The following NEGR1 variants were observed in gnomAD, a reference collection of about 807,000 sequenced individuals.
NEGR1 encodes IgLON family member 4.
NEGR1 carries 10 observed loss-of-function variants against 40.9 expected under a neutral mutation model. That is an observed-to-expected ratio of 0.24 (90% CI 0.15 to 0.42). NEGR1 has a LOEUF of 0.42. NEGR1 is among the 10% of genes least tolerant of loss of function. NEGR1 has a pLI of 1.00. For missense variants in NEGR1, 352 were observed against 438.9 expected, an observed-to-expected ratio of 0.80 and a Z score of 1.77; for synonymous variants, 185 against 166.8, an observed-to-expected ratio of 1.11 and a Z score of -0.84.
chr1:71,967,947 T>G (rs2100310520), intron 1 of NEGR1, among the ~76,000 whole-genome samples: 1 of 152,302 alleles, frequency 6.6e-6, no homozygotes, highest in African/African-American at 2.4e-5. Context: ...TGGGAAAACA[T>G]TTTATAGTAA....
intron 6 of NEGR1, among the ~76,000 whole-genome samples, chr1:71,425,260 G>C (rs1220403585): frequency 1.3e-5 from 2 of 152,082 alleles, no homozygotes; most frequent in Admixed American, 1.3e-4. Context: ...AGAGGTAGTA[G>C]GCAAGGCCGA....
At chr1:71,520,175 T>A (rs1647145972) in intron 6 of NEGR1, among the ~76,000 whole-genome samples, 1 of 151,992 alleles carries the variant, frequency 6.6e-6, no homozygotes, top group African/African-American at 2.4e-5. Context: ...TTCTGTAAAT[T>A]GGGATGAAAA....
At chr1:71,770,971 A>G (rs1199078801) in intron 3 of NEGR1, among the ~76,000 whole-genome samples, 2 of 152,200 alleles carry the variant, frequency 1.3e-5, no homozygotes, top group African/African-American at 4.8e-5. Flanking sequence ...AAAGGATTAT[A>G]AATCATTCTA....
chr1:72,142,944 A>G (rs1650743290), intron 1 of NEGR1, among the ~76,000 whole-genome samples: 1 of 151,886 alleles, frequency 6.6e-6, no homozygotes, highest in Admixed American at 6.6e-5. Flanking sequence ...CTACAGCATG[A>G]AGGGATGTGT....
chr1:71,819,800 A>G (rs1658360168), intron 2 of NEGR1, among the ~76,000 whole-genome samples: 1 of 152,064 alleles, frequency 6.6e-6, no homozygotes, highest in South Asian at 2.1e-4. Context: ...GGAAAGGGAT[A>G]ACAGGGTCAG....
intron 1 of NEGR1, among the ~76,000 whole-genome samples, chr1:71,986,744 T>C (rs1358631146): frequency 6.6e-6 from 1 of 152,230 alleles, no homozygotes; most frequent in Non-Finnish European, 1.5e-5. Flanking sequence ...ACAGGTGGCT[T>C]CACCGGACTG....
intron 3 of NEGR1, among the ~76,000 whole-genome samples, chr1:71,762,035 G>C (rs945400414): frequency 5.3e-5 from 8 of 151,920 alleles, no homozygotes; most frequent in African/African-American, 1.7e-4. Flanking sequence ...ATTTTAAATG[G>C]GGTAAAGGAA....
In NEGR1 at chr1:71,841,072, C is replaced by T. The variant is rs115477907; in HGVS notation, c.410-64775G>A. On this transcript the variant is annotated intron_variant, in intron 2 of 6. Transcript: ENST00000357731. ...TTTCTTAAGGTATATCTCTTTCTCT[C>T]TCTCTATATATATACACATCCTATT... Among the ~76,000 whole-genome samples, 821 of 152,116 alleles carry T rather than the reference C, an allele frequency of 5.4e-3. 13 individuals are homozygous for T. The highest frequency in any genetic ancestry group is 0.019 in the African/African-American group (769 of 41,496).
intron 1 of NEGR1, among the ~76,000 whole-genome samples, chr1:71,940,969 A>G (rs544173903): frequency 4.6e-5 from 7 of 152,186 alleles, no homozygotes; most frequent in African/African-American, 4.8e-5. Context: ...CTGTATGGAG[A>G]AAGAACAGCT....
At chr1:71,435,292 C>T (rs1199582113) in intron 6 of NEGR1, among the ~76,000 whole-genome samples, 2 of 151,980 alleles carry the variant, frequency 1.3e-5, no homozygotes, top group African/African-American at 2.4e-5. Context: ...GAAGTTATTA[C>T]GTGACAATTG....
intron 1 of NEGR1, among the ~76,000 whole-genome samples, chr1:72,245,793 A>G (rs940590887): frequency 6.6e-6 from 1 of 152,154 alleles, no homozygotes; most frequent in Non-Finnish European, 1.5e-5. Flanking sequence ...TAAATATTCC[A>G]TTAATCCAAA....
intron 2 of NEGR1, among the ~76,000 whole-genome samples, chr1:71,912,262 C>T (rs1661439349): frequency 6.6e-6 from 1 of 152,172 alleles, no homozygotes; most frequent in Non-Finnish European, 1.5e-5. Flanking sequence ...CACCTTCCTC[C>T]TAGTCTCTTC....
At chr1:71,642,635 G>A (rs898565395) in intron 4 of NEGR1, among the ~76,000 whole-genome samples, 1 of 151,802 alleles carries the variant, frequency 6.6e-6, no homozygotes, top group African/African-American at 2.4e-5. Flanking sequence ...AGTGATTTGA[G>A]ATCACAAATC....
chr1:71,397,372 G>GC lies in NEGR1; in HGVS notation c.*10073dup, dbSNP rs1462007197. On this transcript the variant is annotated 3_prime_UTR_variant, in exon 7 of 7. Coordinates refer to ENST00000357731, the MANE Select transcript of NEGR1 (RefSeq NM_173808.3). ...GACAGAGTCTCACTTTGTCACCCAG[G>GC]CAGGAGTGCAGTGGCATGATCTCAG... 6.5e-6 allele frequency: 1 copy of GC among 154,016 alleles called. No homozygotes were observed. The highest frequency in any genetic ancestry group is 1.4e-5 in the Non-Finnish European group (1 of 69,568). The allele number at this position is 154,016 out of a possible 1,614,324, so 9.5% of individuals were successfully genotyped here.
chr1:72,005,404 A>G (rs1002091996), intron 1 of NEGR1, among the ~76,000 whole-genome samples: 2 of 152,208 alleles, frequency 1.3e-5, no homozygotes, highest in Admixed American at 6.5e-5. Flanking sequence ...CCTAAAGATT[A>G]CATACTCATT....
chr1:72,104,728 T>G lies in NEGR1; in HGVS notation c.177-169417A>C, dbSNP rs576551172. On this transcript the variant is annotated intron_variant, in intron 1 of 6. Transcript: ENST00000357731. ...ACTCTTGTAGGAGCCTTGAATTTGT[T>G]TTTTAAATTGTCCGATTTAGTTTTA... 8.5e-4 allele frequency among the ~76,000 whole-genome samples: 130 copies of G among 152,204 alleles called. 1 individual carries two copies. Among genetic ancestry groups the G allele is most frequent in the African/African-American group, 2.9e-4 (12 of 41,482 alleles).
chr1:71,682,196 T>C (rs970401513), intron 4 of NEGR1, among the ~76,000 whole-genome samples: 1 of 151,992 alleles, frequency 6.6e-6, no homozygotes, highest in East Asian at 1.9e-4. Context: ...ATCTAACACA[T>C]ATTTTCTTTT....
At chr1:72,054,956 A>T (rs1338902637) in intron 1 of NEGR1, among the ~76,000 whole-genome samples, 3 of 151,166 alleles carry the variant, frequency 2.0e-5, no homozygotes, top group Non-Finnish European at 4.5e-5. Context: ...GTGCAAGCGC[A>T]TTCAATTTAT....
At chr1:71,492,094 A>C (rs1290108818) in intron 6 of NEGR1, among the ~76,000 whole-genome samples, 1 of 152,108 alleles carries the variant, frequency 6.6e-6, no homozygotes, top group Admixed American at 6.6e-5. Flanking sequence ...AACTGAACCT[A>C]CTGGCACTTT....
Sources: gnomAD v4.1 joint callset for allele counts (sites outside exome capture counted in the v4.1 genomes callset) on GRCh38, gnomAD v4.1.1 for gene constraint, MANE v1.5 for transcripts, NCBI Gene and HGNC (gene_info 2026-07-23, HGNC 2026-07-21) for gene names.